DHX29: variants seen among roughly 807,000 people sequenced by gnomAD.
DHX29 encodes the protein ATP-dependent RNA helicase DHX29.
Under a neutral mutation model 167.9 loss-of-function variants are expected in DHX29, and 79 were observed. The observed-to-expected ratio is 0.47, with a 90% CI of 0.39 to 0.57. The LOEUF (loss-of-function observed/expected upper bound fraction) is 0.57, where lower values mean the gene tolerates loss of function less well. Among genes scored for constraint, DHX29 ranks in the 20% least tolerant of loss-of-function variants. The pLI, the probability that DHX29 is intolerant of heterozygous loss-of-function variation, is 0.00. For missense variants in DHX29, 1,347 were observed against 1,593.4 expected, an observed-to-expected ratio of 0.85 and a Z score of 2.63; for synonymous variants, 530 against 546.0, an observed-to-expected ratio of 0.97 and a Z score of 0.41.
intron 14 of DHX29, among the ~76,000 whole-genome samples, chr5:55,275,426 TTTGAAATAACTATATTCTA>T (rs1322411843): frequency 6.6e-6 from 1 of 152,220 alleles, no homozygotes; most frequent in East Asian, 1.9e-4. Context: ...AATCATCTCT[TTTGAAATAACTATATTCTA>T]AAGTCTTTCT....
chr5:55,298,796 C>T (rs1457379100), intron 1 of DHX29, 132 bp from the exon 2 acceptor site: 12 of 402,506 alleles, frequency 3.0e-5, no homozygotes, highest in East Asian at 4.7e-5. Flanking sequence ...TTTGGGAGGC[C>T]GAGGCGGGTG....
chr5:55,290,822 C>G (rs570644589), intron 6 of DHX29, among the ~76,000 whole-genome samples: 2 of 152,158 alleles, frequency 1.3e-5, no homozygotes, highest in Admixed American at 6.5e-5. Context: ...CGAGACCAGC[C>G]TGGCCAACAT....
intron 1 of DHX29, among the ~76,000 whole-genome samples, chr5:55,304,567 T>C (rs1489217734): frequency 6.6e-6 from 1 of 152,066 alleles, no homozygotes; most frequent in Non-Finnish European, 1.5e-5. Flanking sequence ...CCCAAAGTGC[T>C]GGGATTACAA....
Position 55,262,803 on chromosome 5 carries a change from C to T in DHX29, c.3655G>A (p.Val1219Ile), listed in dbSNP as rs1210379792. 1 of 1,614,080 alleles carries T rather than the reference C, an allele frequency of 6.2e-7. No individual in the cohort carries two copies. The highest frequency in any genetic ancestry group is 8.5e-7 in the Non-Finnish European group (1 of 1,179,994). ...SFQEIALLKA[V>I]LVAGLYDNVG... is the part of the protein sequence containing the mutation. ...TTGTCATACAGTCCAGCCACCAGTACAGCTTTAAGAAGGGCAATTTCTTGG... is the reference window on the plus strand; with the variant it reads ...TTGTCATACAGTCCAGCCACCAGTATAGCTTTAAGAAGGGCAATTTCTTGG... The change falls in exon 24 of 27, where the codon GTA becomes ATA. Residue 1219 changes from valine to isoleucine, a missense_variant. Transcript: ENST00000251636.
rs781415146 is a variant in DHX29 at position 55,290,291 on chromosome 5, T to G, written c.834A>C (p.Ala278=). ...TGTTTTTTTCTAGTTTAAAGGTAGC[T>G]GCTTGTTCTTTTGCATCCAGCAGTT... ...AAKLLDAKEQ[A]ATFKLEKNKQ... The change falls in exon 7 of 27, where the codon GCA becomes GCC. Residue 278 remains alanine, a synonymous_variant. Coordinates refer to ENST00000251636, the MANE Select transcript of DHX29 (RefSeq NM_019030.4). 1 of 1,612,544 alleles carries G rather than the reference T, an allele frequency of 6.2e-7. No individual in the cohort carries two copies. Among genetic ancestry groups the G allele is most frequent in the South Asian group, 1.1e-5 (1 of 90,870 alleles).
intron 21 of DHX29, among the ~76,000 whole-genome samples, chr5:55,269,179 G>A (rs940869051): frequency 6.6e-6 from 1 of 150,494 alleles, no homozygotes; most frequent in Non-Finnish European, 1.5e-5. Flanking sequence ...CGGAGGCAGA[G>A]GTTGCAGTGA....
In DHX29 at chr5:55,294,094, G is replaced by A. The variant is rs1298866117; in HGVS notation, c.703C>T (p.Arg235Ter). ...TCTTCATTTTGTTGTTCAGCATATC[G>A]TAAAATCCACTCTTTCATATTTACT... is the stretch of plus-strand genomic sequence containing the variant. ...MEVNMKEWIL[R>*]YAEQQNEEEK... The change falls in exon 6 of 27, where the codon CGA becomes TGA. Residue 235 changes from arginine to a stop codon, truncating the protein, a stop_gained. Coordinates refer to ENST00000251636, the MANE Select transcript of DHX29 (RefSeq NM_019030.4). LOFTEE classifies it high-confidence loss of function. 3.7e-6 allele frequency: 6 copies of A among 1,603,810 alleles called. No homozygotes were observed. Among genetic ancestry groups the A allele is most frequent in the Admixed American group, 3.4e-5 (2 of 59,406 alleles).
At chr5:55,286,302 G>T (rs1747728081) in intron 8 of DHX29, among the ~76,000 whole-genome samples, 1 of 151,504 alleles carries the variant, frequency 6.6e-6, no homozygotes, top group South Asian at 2.1e-4. Context: ...AGAAAAGCTT[G>T]ATTTTCTTCT....
At chr5:55,295,646 T>G (rs1199991223) in intron 4 of DHX29, 122 bp from the exon 5 acceptor site, 3 of 907,924 alleles carry the variant, frequency 3.3e-6, no homozygotes, top group Non-Finnish European at 4.9e-6. Context: ...TTCTATTCCC[T>G]CATCTCCTAA....
chr5:55,277,317 A>T (rs1006454630), intron 12 of DHX29, 35 bp from the exon 13 acceptor site: 2 of 1,433,590 alleles, frequency 1.4e-6, no homozygotes, highest in African/African-American at 2.9e-5. Flanking sequence ...AGTTCATCAT[A>T]TATTGTATAA....
At chr5:55,287,578 GA>G (rs1213205444) in intron 8 of DHX29, among the ~76,000 whole-genome samples, 25 of 151,690 alleles carry the variant, frequency 1.6e-4, no homozygotes, top group Non-Finnish European at 1.3e-4. Flanking sequence ...AATTAACTCA[GA>G]ATTTTTTTTT....
intron 1 of DHX29, among the ~76,000 whole-genome samples, chr5:55,304,309 C>CTTTT (rs397882409): frequency 1.2e-4 from 13 of 112,652 alleles, no homozygotes; most frequent in African/African-American, 2.7e-4. Context: ...TCAAATGTCA[C>CTTTT]TTTTTTTTTT....
intron 16 of DHX29, among the ~76,000 whole-genome samples, chr5:55,274,100 A>AG (rs1290786359): frequency 6.6e-6 from 1 of 151,960 alleles, no homozygotes; most frequent in African/African-American, 2.4e-5. Context: ...AAAAAAAAAA[A>AG]AAAAAGATGA....
chr5:55,267,760 A>C lies in DHX29; in HGVS notation c.3357T>G (p.Asp1119Glu), dbSNP rs1214999414. The change falls in exon 22 of 27, where the codon GAT (aspartate) becomes GAG (glutamate). Residue 1119 changes from aspartate (D) to glutamate (E), a missense_variant. This residue lies in a region of DHX29 where 882 missense variants were observed against 1,082.4 expected (regional missense o/e 0.81). Transcript: ENST00000251636. ...SPFTTPIGRKDEADLAKSALA... is the reference protein window; with the variant it reads ...SPFTTPIGRKEEADLAKSALA... The stretch of plus-strand genomic sequence containing the variant: ...AAGCTGATTTTGCAAGATCTGCTTC[A>C]TCTTTTCGACCAATTGGTGTGGTAA... 1 of 1,609,600 alleles carries C rather than the reference A, an allele frequency of 6.2e-7. No homozygotes were observed. Among genetic ancestry groups the C allele is most frequent in the Non-Finnish European group, 8.5e-7 (1 of 1,177,758 alleles).
At chr5:55,266,310 G>GTTT (rs70992715) in intron 23 of DHX29, among the ~76,000 whole-genome samples, 50 of 123,048 alleles carry the variant, frequency 4.1e-4, no homozygotes, top group African/African-American at 1.4e-3. Flanking sequence ...TGTTGTTTTT[G>GTTT]TTTTTTTTTT....
At position 55,283,492 on chromosome 5, in the gene DHX29, G is replaced by C. The variant is rs759402381; in HGVS notation, c.1676C>G (p.Thr559Arg). The change falls in exon 11 of 27, where the codon ACA becomes AGA. Residue 559 changes from threonine to arginine, a missense_variant. This residue lies in a region of DHX29 where 882 missense variants were observed against 1,082.4 expected (regional missense o/e 0.81). Transcript: ENST00000251636. Reference protein sequence around the residue: ...VRNLFRKLQSTPKYQKLLKER... With the variant: ...VRNLFRKLQSRPKYQKLLKER... ...CTTTAGAAGTTTCTGATACTTAGGT[G>C]TGCTTTGCAACTTTCTAAAGAGGTT... 3.7e-6 allele frequency: 6 copies of C among 1,614,178 alleles called. No individual in the cohort carries two copies. The Admixed American group carries it at 1.0e-4, about 27-fold the overall frequency.
chr5:55,282,704 G>A (rs995272551), intron 11 of DHX29, among the ~76,000 whole-genome samples: 1 of 151,950 alleles, frequency 6.6e-6, no homozygotes, highest in African/African-American at 2.4e-5. Context: ...TACTTGCATG[G>A]CAAAATGCAT....
At position 55,307,583 on chromosome 5, in the gene DHX29, G is replaced by A; in HGVS notation, c.-10C>T. The stretch of plus-strand genomic sequence containing the variant: ...TGTTCTTGCCGCCCATGTTGCAGCT[G>A]TGGCAGAAGATCCTTCGCGGCCCAG... On this transcript the variant is annotated 5_prime_UTR_variant, in exon 1 of 27. Coordinates refer to ENST00000251636, the MANE Select transcript of DHX29 (RefSeq NM_019030.4). The A allele has an allele frequency of 1.2e-6, 2 of 1,613,018 alleles. No individual in the cohort carries two copies. Among genetic ancestry groups the A allele is most frequent in the Non-Finnish European group, 1.7e-6 (2 of 1,179,928 alleles).
intron 12 of DHX29, among the ~76,000 whole-genome samples, chr5:55,277,798 C>T (rs897472202): frequency 4.6e-5 from 7 of 150,700 alleles, no homozygotes; most frequent in South Asian, 2.1e-4. Context: ...CCCAGCTACC[C>T]GGGAGGCTGA....
Sources: allele counts gnomAD v4.1 joint callset (sites outside exome capture counted in the v4.1 genomes callset), GRCh38; gene constraint gnomAD v4.1.1; regional missense constraint gnomAD v4.1.1; transcripts MANE v1.5; gene names NCBI Gene and HGNC (gene_info 2026-07-23, HGNC 2026-07-21).